MCPH1: variants seen among roughly 807,000 people sequenced by gnomAD.
MCPH1 encodes microcephalin.
A neutral mutation model predicts 84.5 loss-of-function variants in MCPH1; 104 were observed. The observed-to-expected ratio is 1.23, with a 90% CI of 1.05 to 1.45. The LOEUF is 1.45. Among genes scored for constraint, MCPH1 ranks in the 40% most tolerant of loss-of-function variants. The pLI is 0.00. For missense variants in MCPH1, 1,498 were observed against 1,005.7 expected (o/e 1.49, Z -6.62); for synonymous variants, 514 against 366.8 (o/e 1.40, Z -4.58).
chr8:6,423,430 G>T (rs1359060281), intron 3 of MCPH1, among the ~76,000 whole-genome samples: 2 of 152,054 alleles, frequency 1.3e-5, no homozygotes, highest in Non-Finnish European at 2.9e-5. Context: ...CTCCCAAAGT[G>T]CTGGGATTAC....
chr8:6,418,757 T>C (rs1174523151), intron 3 of MCPH1, among the ~76,000 whole-genome samples: 4 of 152,116 alleles, frequency 2.6e-5, no homozygotes, highest in Non-Finnish European at 5.9e-5. Flanking sequence ...AATTTTTGTA[T>C]TTTTAGTGGA....
At position 6,529,075 on chromosome 8, in the gene MCPH1, G is replaced by A. The variant is rs185554540; in HGVS notation, c.2214+29146G>A. 2.2e-4 allele frequency among the ~76,000 whole-genome samples: 33 copies of A among 152,304 alleles called. 1 individual carries two copies. The highest frequency in any genetic ancestry group is 2.1e-3 in the East Asian group (11 of 5,190). On this transcript the variant is annotated intron_variant, in intron 12 of 13. Transcript: ENST00000344683. ...AGGGTTATAACATGAGTAAAATTCC[G>A]TGTGGAGGCAGGGAAGGATGGCATA...
At position 6,466,129 on chromosome 8, in the gene MCPH1, A is replaced by ATTTTTTT. The variant is rs751729134; in HGVS notation, c.1935+10894_1935+10900dup. 5.0e-3 allele frequency among the ~76,000 whole-genome samples: 98 copies of ATTTTTTT among 19,780 alleles called. 7 individuals are homozygous for ATTTTTTT. The East Asian group carries it at 0.26, about 53-fold the overall frequency. The allele number at this position is 19,780 out of a possible 152,430, so 13.0% of individuals were successfully genotyped here. ...GCCACTACACCTGGCTAATTTTTGG[A>ATTTTTTT]TTTTTTTTTTTTTTTTTTTTTTTCC... On this transcript the variant is annotated intron_variant, in intron 9 of 13. Transcript: ENST00000344683.
At chr8:6,480,477 C>T (rs1465628163) in intron 10 of MCPH1, among the ~76,000 whole-genome samples, 2 of 152,140 alleles carry the variant, frequency 1.3e-5, no homozygotes, top group East Asian at 1.9e-4. Context: ...TGTGGGAAGC[C>T]ATTGACAGCC....
Position 6,499,858 on chromosome 8 carries a change from T to C in MCPH1, c.2143T>C (p.Trp715Arg), listed in dbSNP as rs1811810333. 4 of 1,613,170 alleles carry C rather than the reference T, an allele frequency of 2.5e-6. No individual in the cohort carries two copies. The East Asian group carries it at 8.9e-5, about 36-fold the overall frequency. ...CTTGTTGTGTCACTTGCAGGTGCTA[T>C]GGTCTTTAGAATTGGGTCACTGGAT... Reference protein sequence around the residue: ...CWVLSYDWVLWSLELGHWISE... With the variant: ...CWVLSYDWVLRSLELGHWISE... The change falls in exon 12 of 14, where the codon TGG (tryptophan) becomes CGG (arginine). Residue 715 changes from tryptophan to arginine, a missense_variant. By Grantham distance (101) the Trp-to-Arg change is moderately radical. Transcript: ENST00000344683.
At chr8:6,567,527 C>T (rs893639336) in intron 12 of MCPH1, among the ~76,000 whole-genome samples, 1 of 152,178 alleles carries the variant, frequency 6.6e-6, no homozygotes, top group African/African-American at 2.4e-5. Flanking sequence ...TTAAGGATGC[C>T]AGGTGGGGAG....
rs1157431259 is a variant in MCPH1, at chr8:6,646,134, C to A, written c.*3085C>A. On this transcript the variant is annotated 3_prime_UTR_variant, in exon 14 of 14. Coordinates refer to ENST00000344683, the MANE Select transcript of MCPH1 (RefSeq NM_024596.5). ...ACTGTCAGTAAAACTACAATAATTA[C>A]AAAGTATCAGCCAGGTGCCGTGGCT... is the stretch of plus-strand genomic sequence containing the variant. The A allele has an allele frequency of 6.6e-6, 1 of 152,142 alleles. No individual in the cohort carries two copies. Among genetic ancestry groups the A allele is most frequent in the Admixed American group, 6.5e-5 (1 of 15,270 alleles). The allele number at this position is 152,142 out of a possible 1,614,324, so 9.4% of individuals were successfully genotyped here.
Position 6,522,826 on chromosome 8 carries a change from A to G in MCPH1, c.2214+22897A>G, listed in dbSNP as rs558411270. On this transcript the variant is annotated intron_variant, in intron 12 of 13. Transcript: ENST00000344683. ...GTAGGAAGAATGAATCACATACCTA[A>G]AGTCACACACAGCAGGTGGCAGGGG... 6.8e-4 allele frequency among the ~76,000 whole-genome samples: 104 copies of G among 152,040 alleles called. 2 individuals carry two copies. Among genetic ancestry groups the G allele is most frequent in the Non-Finnish European group, 1.3e-3 (89 of 67,990 alleles).
At chr8:6,553,289 A>G (rs975795206) in intron 12 of MCPH1, among the ~76,000 whole-genome samples, 4 of 152,160 alleles carry the variant, frequency 2.6e-5, no homozygotes, top group African/African-American at 9.7e-5. Context: ...TTAAAAAATC[A>G]TTTACTACAT....
chr8:6,480,848 GT>G lies in MCPH1; in HGVS notation c.2109del (p.Gly704AlafsTer14). On this transcript the variant is annotated frameshift_variant, in exon 11 of 14. Coordinates refer to ENST00000344683, the MANE Select transcript of MCPH1 (RefSeq NM_024596.5). LOFTEE classifies it high-confidence loss of function. ...RTLNVLLGIARGCWVLSYDWV... is the reference protein window; with the variant it reads ...RTLNVLLGIAXGCWVLSYDWV... Reference sequence around the variant, plus strand: ...CTGAATGTGCTGCTGGGAATTGCGCGTGGCTGCTGGGTTCTCTCTTATGATT... The same window carrying G: ...CTGAATGTGCTGCTGGGAATTGCGCGGGCTGCTGGGTTCTCTCTTATGATT... 1 of 1,614,170 alleles carries G rather than the reference GT, an allele frequency of 6.2e-7. No individual in the cohort carries two copies. Among genetic ancestry groups the G allele is most frequent in the South Asian group, 1.1e-5 (1 of 91,090 alleles).
intron 11 of MCPH1, among the ~76,000 whole-genome samples, chr8:6,488,688 G>T (rs964699344): frequency 6.6e-6 from 1 of 152,156 alleles, no homozygotes; most frequent in Non-Finnish European, 1.5e-5. Context: ...TGTTGGAGAA[G>T]GCTGTAGGGC....
At chr8:6,521,466 A>G (rs1586326706) in intron 12 of MCPH1, 6 of 1,223,034 alleles carry the variant, frequency 4.9e-6, no homozygotes, top group East Asian at 5.0e-5. Context: ...AATATTTTAT[A>G]TTTATTGAAT....
chr8:6,416,003 G>A (rs556165307), intron 3 of MCPH1, among the ~76,000 whole-genome samples: 1 of 152,030 alleles, frequency 6.6e-6, no homozygotes, highest in Non-Finnish European at 1.5e-5. Context: ...CAGTGTACAA[G>A]TTTTTTACCC....
intron 12 of MCPH1, among the ~76,000 whole-genome samples, chr8:6,565,471 G>C (rs1040706463): frequency 6.6e-6 from 1 of 152,106 alleles, no homozygotes; most frequent in Admixed American, 6.6e-5. Context: ...TTGTTGCCCA[G>C]GCTGGTCTTG....
intron 12 of MCPH1, among the ~76,000 whole-genome samples, chr8:6,604,591 G>T (rs1439597304): frequency 3.3e-5 from 5 of 152,254 alleles, no homozygotes; most frequent in African/African-American, 1.2e-4. Flanking sequence ...TGCAATCTCT[G>T]CCTTTCAGGC....
intron 13 of MCPH1, among the ~76,000 whole-genome samples, chr8:6,636,516 G>C (rs888327039): frequency 3.9e-5 from 6 of 152,064 alleles, no homozygotes; most frequent in Non-Finnish European, 8.8e-5. Flanking sequence ...GTTTGGCTCT[G>C]TTGCCCAGGC....
At chr8:6,462,876 G>A (rs1806440087) in intron 9 of MCPH1, among the ~76,000 whole-genome samples, 1 of 152,198 alleles carries the variant, frequency 6.6e-6, no homozygotes, top group East Asian at 1.9e-4. Context: ...TTGGGTGAGG[G>A]TCATGTCTGC....
At chr8:6,627,191 C>T in intron 13 of MCPH1, 2 of 985,394 alleles carry the variant, frequency 2.0e-6, no homozygotes, top group Non-Finnish European at 2.4e-6. Flanking sequence ...ACTCGGGAGG[C>T]CTCAGGCCTT....
intron 9 of MCPH1, among the ~76,000 whole-genome samples, chr8:6,464,266 G>T (rs78893015): frequency 2.6e-5 from 4 of 152,266 alleles, no homozygotes; most frequent in East Asian, 3.9e-4. Context: ...TGGCAGTGGC[G>T]GGGATGTGCT....
Sources: gnomAD v4.1 joint callset for allele counts (sites outside exome capture counted in the v4.1 genomes callset) on GRCh38, gnomAD v4.1.1 for gene constraint, MANE v1.5 for transcripts, NCBI Gene and HGNC (gene_info 2026-07-23, HGNC 2026-07-21) for gene names.